ME1: variants seen among roughly 807,000 people sequenced by gnomAD.
ME1 encodes the protein NADP-dependent malic enzyme.
In ME1, 74 loss-of-function variants were observed where a neutral mutation model predicts 66.4. The observed-to-expected ratio is 1.11, with a 90% CI of 0.92 to 1.35. The LOEUF (loss-of-function observed/expected upper bound fraction) is 1.35, where lower values mean the gene tolerates loss of function less well. ME1 is among the 40% of genes most tolerant of loss of function. The pLI is 0.00. For synonymous variants in ME1, 251 were observed against 235.6 expected, an observed-to-expected ratio of 1.07 and a Z score of -0.60; for missense variants, 750 against 694.1, an observed-to-expected ratio of 1.08 and a Z score of -0.90.
At position 83,352,149 on chromosome 6, in the gene ME1, A is replaced by T; in HGVS notation, c.363-10T>A. The T allele has an allele frequency of 7.2e-7, 1 of 1,389,678 alleles. No homozygotes were observed. The highest frequency in any genetic ancestry group is 1.5e-5 in the African/African-American group (1 of 67,150). 86.1% of individuals were successfully genotyped at this position (1,389,678 alleles called of 1,614,324 possible). A position where few individuals can be genotyped will look rare whatever the true frequency, so the allele number is the denominator to read the frequency against. On this transcript the variant is annotated splice_polypyrimidine_tract_variant and intron_variant, in intron 3 of 13. Transcript: ENST00000369705. ...AGTAATAAAGAGACCTCTGCAGAAA[A>T]AAAAAAAAAAAAAGGAGTAGTTTAC...
At chr6:83,380,465 T>C (rs1769375115) in intron 3 of ME1, among the ~76,000 whole-genome samples, 1 of 151,854 alleles carries the variant, frequency 6.6e-6, no homozygotes, top group Non-Finnish European at 1.5e-5. Context: ...TATGCAGTAG[T>C]AGTCCAGGAA....
chr6:83,277,901 A>AAATAATAATAATAATAATAATATTAAT (rs1767216105), intron 6 of ME1, among the ~76,000 whole-genome samples: 2 of 144,098 alleles, frequency 1.4e-5, no homozygotes, highest in Non-Finnish European at 3.0e-5. Flanking sequence ...CTGTATCTCA[A>AAATAATAATAATAATAATAATATTAAT]AATAATAATA....
intron 12 of ME1, among the ~76,000 whole-genome samples, chr6:83,221,230 A>G (rs1433686369): frequency 6.6e-6 from 1 of 152,198 alleles, no homozygotes; most frequent in Non-Finnish European, 1.5e-5. Context: ...AGCTCTCAGG[A>G]GTGTATCATA....
chr6:83,286,097 G>T (rs919835519), intron 6 of ME1, among the ~76,000 whole-genome samples: 13 of 152,156 alleles, frequency 8.5e-5, no homozygotes, highest in Admixed American at 7.2e-4. Flanking sequence ...AATAAGACAG[G>T]AGTGTCGTGC....
chr6:83,324,394 C>T (rs1350580435), intron 5 of ME1, among the ~76,000 whole-genome samples: 1 of 151,340 alleles, frequency 6.6e-6, no homozygotes, highest in African/African-American at 2.4e-5. Flanking sequence ...TGAATGAATC[C>T]AGGAGCTGGT....
chr6:83,273,199 A>G (rs185943366), intron 6 of ME1, among the ~76,000 whole-genome samples: 3 of 149,216 alleles, frequency 2.0e-5, no homozygotes, highest in Non-Finnish European at 3.0e-5. Flanking sequence ...AAAAAAAAAG[A>G]CACTGTATAA....
At chr6:83,213,436 A>G (rs917954554) in intron 13 of ME1, among the ~76,000 whole-genome samples, 2 of 151,844 alleles carry the variant, frequency 1.3e-5, no homozygotes, top group Non-Finnish European at 2.9e-5. Context: ...AAAACGAAAC[A>G]AAACAAAACA....
chr6:83,213,840 C>T (rs1789944467), intron 13 of ME1, among the ~76,000 whole-genome samples: 1 of 151,632 alleles, frequency 6.6e-6, no homozygotes, highest in Non-Finnish European at 1.5e-5. Context: ...AAGCAGGAAA[C>T]AATATGTATA....
chr6:83,235,108 A>T (rs1790374651), intron 9 of ME1, among the ~76,000 whole-genome samples: 1 of 152,024 alleles, frequency 6.6e-6, no homozygotes, highest in Non-Finnish European at 1.5e-5. Flanking sequence ...CCCTAGATAA[A>T]CTCCTAACTC....
intron 9 of ME1, among the ~76,000 whole-genome samples, chr6:83,229,730 C>G (rs966459365): frequency 9.2e-5 from 14 of 152,102 alleles, no homozygotes; most frequent in Admixed American, 5.2e-4. Flanking sequence ...TCACCCCGGG[C>G]AAAAACTTAA....
chr6:83,216,403 T>C (rs766542346), intron 13 of ME1, 95 bp downstream of exon 13: 5 of 871,742 alleles, frequency 5.7e-6, no homozygotes, highest in Non-Finnish European at 7.5e-6. Flanking sequence ...GATACAGATA[T>C]ACATTTCAAG....
At chr6:83,287,169 T>C (rs933614084) in intron 6 of ME1, among the ~76,000 whole-genome samples, 1 of 152,164 alleles carries the variant, frequency 6.6e-6, no homozygotes, top group African/African-American at 2.4e-5. Flanking sequence ...TTTTTTAAAA[T>C]TATACTTGAA....
At chr6:83,430,694 C>G (rs115077283) in intron 1 of ME1, among the ~76,000 whole-genome samples, 183 bp downstream of exon 1, 4,214 of 152,318 alleles carry the variant, frequency 0.028, 201 homozygotes, top group African/African-American at 0.093. Flanking sequence ...CTAGTGGATA[C>G]GGACCCGATT....
chr6:83,392,727 C>T lies in ME1; in HGVS notation c.362+5640G>A, dbSNP rs529012873. 6 of 632,878 alleles carry T rather than the reference C, an allele frequency of 9.5e-6. No homozygotes were observed. The East Asian group carries it at 1.9e-4, about 20-fold the overall frequency. 39.2% of individuals were successfully genotyped at this position (632,878 alleles called of 1,614,324 possible). A position where few individuals can be genotyped will look rare whatever the true frequency, so the allele number is the denominator to read the frequency against. On this transcript the variant is annotated intron_variant, in intron 3 of 13. Transcript: ENST00000369705. ...TGGAGTTCACCAGCATCTTCACCAC[C>T]ATGGAGAAGGCTGGGGCTCACTTGG... is the stretch of plus-strand genomic sequence containing the variant.
intron 9 of ME1, among the ~76,000 whole-genome samples, chr6:83,233,704 A>C (rs1267232978): frequency 6.6e-6 from 1 of 151,742 alleles, no homozygotes; most frequent in Non-Finnish European, 1.5e-5. Context: ...TTTTATAAAC[A>C]ATTATATTAT....
At chr6:83,298,937 T>A in intron 6 of ME1, among the ~76,000 whole-genome samples, 2 of 57,016 alleles carry the variant, frequency 3.5e-5, no homozygotes, top group South Asian at 1.1e-3. Flanking sequence ...GTCTGTTTTT[T>A]TTTTTTTTTT....
chr6:83,235,470 A>ATT (rs10691116), intron 9 of ME1, among the ~76,000 whole-genome samples: 16,254 of 128,116 alleles, frequency 0.13, 1,490 homozygotes, highest in East Asian at 0.27. Flanking sequence ...AGCAATAGCT[A>ATT]TTTTTTTTTT....
In ME1 at chr6:83,311,376, AAC is replaced by A. The variant is rs536328694; in HGVS notation, c.704+3932_704+3933del. On this transcript the variant is annotated intron_variant, in intron 6 of 13. Coordinates refer to ENST00000369705, the MANE Select transcript of ME1 (RefSeq NM_002395.6). ...GGCACTCTCCTGAGATACAGGATTT[AAC>A]ATGTGGCAAGAATCCCAGAAGATGG... 3.9e-5 allele frequency among the ~76,000 whole-genome samples: 6 copies of A among 152,290 alleles called. No homozygotes were observed. In the East Asian group the frequency reaches 1.2e-3, roughly 29 times the overall value.
At chr6:83,417,967 C>T (rs985767646) in intron 1 of ME1, among the ~76,000 whole-genome samples, 10 of 152,262 alleles carry the variant, frequency 6.6e-5, no homozygotes, top group African/African-American at 2.4e-4. Context: ...CATCAACTTT[C>T]CAACTTTTGT....
Sources: allele counts gnomAD v4.1 joint callset (sites outside exome capture counted in the v4.1 genomes callset), GRCh38; gene constraint gnomAD v4.1.1; transcripts MANE v1.5; gene names NCBI Gene and HGNC (gene_info 2026-07-23, HGNC 2026-07-21).